GRID1: variants seen among roughly 807,000 people sequenced by gnomAD.
GRID1 encodes the protein glutamate receptor ionotropic, delta-1.
In GRID1, 28 loss-of-function variants were observed where a neutral mutation model predicts 98.0. The observed-to-expected ratio is 0.29, with a 90% CI of 0.21 to 0.39. The LOEUF (loss-of-function observed/expected upper bound fraction) is 0.39. Among genes scored for constraint, GRID1 ranks in the 10% least tolerant of loss-of-function variants. GRID1 has a pLI of 1.00. For synonymous variants in GRID1, 553 were observed against 538.5 expected, an observed-to-expected ratio of 1.03 and a Z score of -0.37; for missense variants, 1,111 against 1,340.5, an observed-to-expected ratio of 0.83 and a Z score of 2.67.
intron 4 of GRID1, among the ~76,000 whole-genome samples, chr10:86,024,538 A>T (rs943222873): frequency 2.6e-5 from 4 of 152,214 alleles, no homozygotes; most frequent in African/African-American, 9.7e-5. Context: ...ATCCATGCAA[A>T]GTCACTGCGA....
intron 2 of GRID1, among the ~76,000 whole-genome samples, chr10:86,331,195 C>T (rs1303712100): frequency 6.6e-6 from 1 of 152,258 alleles, no homozygotes; most frequent in East Asian, 1.9e-4. Context: ...TTTCCCCCAT[C>T]CCTCACCTCT....
intron 4 of GRID1, among the ~76,000 whole-genome samples, chr10:86,046,756 T>G (rs1463610905): frequency 6.6e-6 from 1 of 151,814 alleles, no homozygotes; most frequent in Non-Finnish European, 1.5e-5. Flanking sequence ...CTCTGGACAA[T>G]TATCCCTACA....
At chr10:86,082,345 C>T (rs1462882619) in intron 4 of GRID1, among the ~76,000 whole-genome samples, 2 of 152,298 alleles carry the variant, frequency 1.3e-5, no homozygotes, top group African/African-American at 4.8e-5. Flanking sequence ...AGGCCAGTTG[C>T]AGCCTGGCTA....
chr10:85,839,879 A>C (rs2131769906), intron 8 of GRID1, among the ~76,000 whole-genome samples: 1 of 152,280 alleles, frequency 6.6e-6, no homozygotes, highest in Non-Finnish European at 1.5e-5. Context: ...AAATAAGAAA[A>C]CAGAGAAAAT....
chr10:86,118,933 A>G (rs1444220621), intron 4 of GRID1, among the ~76,000 whole-genome samples: 1 of 152,222 alleles, frequency 6.6e-6, no homozygotes, highest in Non-Finnish European at 1.5e-5. Context: ...AGCCTGAGAA[A>G]CTATCACATC....
chr10:85,789,705 G>T (rs574416510), intron 8 of GRID1, among the ~76,000 whole-genome samples: 18 of 152,260 alleles, frequency 1.2e-4, no homozygotes, highest in African/African-American at 3.9e-4. Flanking sequence ...CTTCAGAACT[G>T]CCCATGGATG....
At chr10:86,159,857 C>T (rs931060010) in intron 3 of GRID1, among the ~76,000 whole-genome samples, 4 of 152,164 alleles carry the variant, frequency 2.6e-5, no homozygotes, top group Non-Finnish European at 4.4e-5. Context: ...AGGATTCTTA[C>T]GAGAATTAAA....
intron 5 of GRID1, among the ~76,000 whole-genome samples, chr10:85,893,857 G>T (rs956708655): frequency 6.6e-6 from 1 of 152,200 alleles, no homozygotes; most frequent in Non-Finnish European, 1.5e-5. Flanking sequence ...ATTCTAAAAT[G>T]CGTATGGAAA....
intron 4 of GRID1, among the ~76,000 whole-genome samples, chr10:85,973,817 T>C (rs1842437630): frequency 6.6e-6 from 1 of 152,226 alleles, no homozygotes; most frequent in Non-Finnish European, 1.5e-5. Flanking sequence ...TTTCTTTCAA[T>C]GAAATATGGT....
At chr10:86,269,450 C>CCA (rs1207387289) in intron 2 of GRID1, among the ~76,000 whole-genome samples, 1 of 152,228 alleles carries the variant, frequency 6.6e-6, no homozygotes, top group Non-Finnish European at 1.5e-5. Flanking sequence ...GCCCCTTCAC[C>CCA]CACACACATT....
chr10:85,806,330 C>T (rs1842622864), intron 8 of GRID1, among the ~76,000 whole-genome samples: 1 of 152,056 alleles, frequency 6.6e-6, no homozygotes, highest in South Asian at 2.1e-4. Context: ...GAAAGTGGAG[C>T]AACTGGAAAT....
chr10:85,604,586 A>C (rs1281452736), intron 15 of GRID1, among the ~76,000 whole-genome samples: 1 of 152,174 alleles, frequency 6.6e-6, no homozygotes, highest in Non-Finnish European at 1.5e-5. Flanking sequence ...AACTGGCTGG[A>C]GAATGCCAGG....
intron 2 of GRID1, among the ~76,000 whole-genome samples, chr10:86,334,004 C>G (rs918662431): frequency 1.3e-5 from 2 of 152,100 alleles, no homozygotes; most frequent in Admixed American, 1.3e-4. Flanking sequence ...GCCGCCACCC[C>G]CTCCCTTCTC....
intron 2 of GRID1, among the ~76,000 whole-genome samples, chr10:86,335,485 A>T (rs182904927): frequency 4.5e-4 from 69 of 152,342 alleles, no homozygotes; most frequent in African/African-American, 1.6e-3. Context: ...TGTCCTCAAG[A>T]GAAGCATCTG....
intron 12 of GRID1, chr10:85,709,172 G>C (rs561334687): frequency 5.2e-4 from 162 of 312,264 alleles, no homozygotes; most frequent in African/African-American, 3.3e-3. Flanking sequence ...GCCCACCGAG[G>C]CTGGGCTTAT....
At position 85,702,300 on chromosome 10, in the gene GRID1, A is replaced by C. The variant is rs1226211289; in HGVS notation, c.1997+20703T>G. ...TATAAGTAGAACTTATATAGTCATTAATATTGCTAAAAGGCATGTGAAAAC... is the reference window on the plus strand; with the variant it reads ...TATAAGTAGAACTTATATAGTCATTCATATTGCTAAAAGGCATGTGAAAAC... On this transcript the variant is annotated intron_variant, in intron 12 of 15. Coordinates refer to ENST00000327946, the MANE Select transcript of GRID1 (RefSeq NM_017551.3). 3.3e-5 allele frequency among the ~76,000 whole-genome samples: 5 copies of C among 152,058 alleles called. No homozygotes were observed. In the South Asian group the frequency reaches 1.0e-3, roughly 31 times the overall value.
intron 2 of GRID1, among the ~76,000 whole-genome samples, chr10:86,218,981 C>G (rs1334360778): frequency 1.3e-5 from 2 of 152,194 alleles, no homozygotes; most frequent in South Asian, 2.1e-4. Flanking sequence ...CAGCACAGCC[C>G]GAGACAGCTG....
chr10:86,013,944 G>A (rs1301898293), intron 4 of GRID1, among the ~76,000 whole-genome samples: 2 of 152,222 alleles, frequency 1.3e-5, no homozygotes, highest in African/African-American at 2.4e-5. Flanking sequence ...GCTGTCCCCT[G>A]CATCCCATGT....
intron 3 of GRID1, among the ~76,000 whole-genome samples, chr10:86,174,071 T>C (rs1845535985): frequency 6.6e-6 from 1 of 152,202 alleles, no homozygotes; most frequent in Non-Finnish European, 1.5e-5. Flanking sequence ...GCATGACTTA[T>C]AGTCCTTTGG....
Sources: allele counts gnomAD v4.1 joint callset (sites outside exome capture counted in the v4.1 genomes callset), GRCh38; gene constraint gnomAD v4.1.1; transcripts MANE v1.5; gene names NCBI Gene and HGNC (gene_info 2026-07-23, HGNC 2026-07-21).